CNTLN: variants seen among roughly 807,000 people sequenced by gnomAD.
CNTLN encodes the protein centlein, centrosomal protein.
CNTLN carries 212 observed loss-of-function variants against 180.0 expected under a neutral mutation model. The ratio of observed to expected loss-of-function variants is 1.18; its 90% CI spans 1.05 to 1.32. The LOEUF (loss-of-function observed/expected upper bound fraction) is 1.32, where lower values mean the gene tolerates loss of function less well. Among genes scored for constraint, CNTLN ranks in the 40% most tolerant of loss-of-function variants. CNTLN has a pLI of 0.00. For synonymous variants in CNTLN, 722 were observed against 563.1 expected (o/e 1.28, Z -3.99); for missense variants, 2,095 against 1,610.9 (o/e 1.30, Z -5.14).
chr9:17,236,052 G>A (rs1414445556), intron 4 of CNTLN, among the ~76,000 whole-genome samples: 1 of 152,204 alleles, frequency 6.6e-6, no homozygotes, highest in African/African-American at 2.4e-5. Context: ...GTGGCTTCTT[G>A]TAATTAGATT....
chr9:17,463,318 C>A (rs542590801), intron 20 of CNTLN, among the ~76,000 whole-genome samples: 1 of 151,378 alleles, frequency 6.6e-6, no homozygotes, highest in Non-Finnish European at 1.5e-5. Context: ...GGTTATTTGG[C>A]CCCCCAAATA....
At chr9:17,201,627 G>T (rs1291464966) in intron 2 of CNTLN, among the ~76,000 whole-genome samples, 1 of 152,118 alleles carries the variant, frequency 6.6e-6, no homozygotes. Context: ...TTGCGTAGAG[G>T]TGTTTATGGT....
intron 6 of CNTLN, among the ~76,000 whole-genome samples, chr9:17,290,585 A>C (rs1045699959): frequency 2.1e-5 from 3 of 140,538 alleles, no homozygotes; most frequent in Non-Finnish European, 4.8e-5. Flanking sequence ...AGCCTGGGCA[A>C]TGGCGGGCGC....
chr9:17,196,109 C>T (rs530970553), intron 2 of CNTLN, among the ~76,000 whole-genome samples: 156 of 152,184 alleles, frequency 1.0e-3, no homozygotes, highest in African/African-American at 3.3e-3. Context: ...CTGTAACCTC[C>T]GCCTCCCAGG....
intron 8 of CNTLN, among the ~76,000 whole-genome samples, chr9:17,328,217 G>A (rs1363414985): frequency 1.3e-5 from 2 of 152,048 alleles, no homozygotes; most frequent in African/African-American, 2.4e-5. Context: ...TAAATTAAAG[G>A]TTTGGTACAT....
At chr9:17,302,202 C>CTTT (rs57095710) in intron 7 of CNTLN, among the ~76,000 whole-genome samples, 2 of 143,392 alleles carry the variant, frequency 1.4e-5, no homozygotes, top group Non-Finnish European at 1.5e-5. Context: ...ATGCAATTCA[C>CTTT]TTTTTTTTTT....
At chr9:17,211,232 A>G (rs1023788402) in intron 2 of CNTLN, among the ~76,000 whole-genome samples, 1 of 152,170 alleles carries the variant, frequency 6.6e-6, no homozygotes, top group Non-Finnish European at 1.5e-5. Flanking sequence ...TAATTTTAGT[A>G]CAAGGTGTAA....
chr9:17,331,619 T>C (rs902045360), intron 9 of CNTLN, among the ~76,000 whole-genome samples: 2 of 152,000 alleles, frequency 1.3e-5, no homozygotes, highest in Admixed American at 6.6e-5. Flanking sequence ...TTTTTTCTTA[T>C]GGGTAGGACA....
At chr9:17,352,417 T>TATATATATA (rs1491260148) in intron 12 of CNTLN, among the ~76,000 whole-genome samples, 6 of 12,370 alleles carry the variant, frequency 4.9e-4, no homozygotes, top group African/African-American at 1.3e-3. Context: ...TATATATATA[T>TATATATATA]TTTTTTTTTT....
At chr9:17,354,245 G>A (rs1037492257) in intron 12 of CNTLN, among the ~76,000 whole-genome samples, 1 of 152,252 alleles carries the variant, frequency 6.6e-6, no homozygotes, top group Admixed American at 6.5e-5. Context: ...TGTGCAGCCC[G>A]AGCCTCCCCG....
At chr9:17,390,651 C>A (rs766474244) in intron 14 of CNTLN, among the ~76,000 whole-genome samples, 5 of 152,078 alleles carry the variant, frequency 3.3e-5, no homozygotes, top group African/African-American at 1.2e-4. Flanking sequence ...TAACAGTTCC[C>A]CAGACTTTCA....
intron 7 of CNTLN, among the ~76,000 whole-genome samples, chr9:17,305,050 G>T (rs1164291022): frequency 6.6e-6 from 1 of 152,004 alleles, no homozygotes; most frequent in Admixed American, 6.6e-5. Flanking sequence ...TTTCAAAATT[G>T]TTAAGATATA....
Position 17,466,871 on chromosome 9 carries a change from G to C in CNTLN, c.3835G>C (p.Glu1279Gln). ...GCTGTTAGCCAATGAAAAAGTAGAA[G>C]AGTTCACCACATTTGTGAAGGTTTG... ...TLLLANEKVE[E>Q]FTTFVKALAK... The change falls in exon 23 of 26, where the codon GAG becomes CAG. Residue 1279 changes from glutamate to glutamine, a missense_variant. By Grantham distance (29) the Glu-to-Gln change is conservative. Coordinates refer to ENST00000380647, the MANE Select transcript of CNTLN (RefSeq NM_017738.4). The C allele has an allele frequency of 1.2e-6, 2 of 1,609,524 alleles. No individual in the cohort carries two copies. The highest frequency in any genetic ancestry group is 1.7e-6 in the Non-Finnish European group (2 of 1,177,066).
chr9:17,252,629 T>C (rs1046529195), intron 5 of CNTLN, among the ~76,000 whole-genome samples: 17 of 151,916 alleles, frequency 1.1e-4, no homozygotes, highest in South Asian at 8.3e-4. Context: ...CGATTCTAGT[T>C]ACTAGTCCCC....
chr9:17,408,368 C>A (rs1372040060), intron 15 of CNTLN, among the ~76,000 whole-genome samples: 1 of 152,026 alleles, frequency 6.6e-6, no homozygotes, highest in Non-Finnish European at 1.5e-5. Flanking sequence ...CTCTTTAACA[C>A]ATCACTATTG....
At chr9:17,291,261 G>C (rs369379623) in intron 6 of CNTLN, among the ~76,000 whole-genome samples, 1 of 152,070 alleles carries the variant, frequency 6.6e-6, no homozygotes, top group East Asian at 1.9e-4. Context: ...GCTATGTGTC[G>C]CCAAGAAGAA....
chr9:17,364,281 A>G (rs1031526830), intron 12 of CNTLN, among the ~76,000 whole-genome samples: 3 of 152,064 alleles, frequency 2.0e-5, no homozygotes, highest in African/African-American at 7.2e-5. Context: ...TCTTATTGCA[A>G]CATGTTTTGT....
intron 15 of CNTLN, among the ~76,000 whole-genome samples, chr9:17,397,551 A>G (rs7874945): frequency 0.84 from 127,407 of 152,130 alleles, 53,562 homozygotes; most frequent in Non-Finnish European, 0.87. Context: ...ATGGGTTTTC[A>G]CCGGCTTCTT....
chr9:17,428,134 C>T (rs1179814493), intron 18 of CNTLN, among the ~76,000 whole-genome samples: 1 of 152,122 alleles, frequency 6.6e-6, no homozygotes, highest in African/African-American at 2.4e-5. Context: ...GACATTGACA[C>T]CAAGGCCCAA....
Sources: allele counts gnomAD v4.1 joint callset (sites outside exome capture counted in the v4.1 genomes callset), GRCh38; gene constraint gnomAD v4.1.1; transcripts MANE v1.5; gene names NCBI Gene and HGNC (gene_info 2026-07-23, HGNC 2026-07-21).